ACTR3C: variants seen among roughly 807,000 people sequenced by gnomAD.
ACTR3C encodes actin-related protein 3C.
Under a neutral mutation model 26.3 loss-of-function variants are expected in ACTR3C, and 18 were observed. The observed-to-expected ratio is 0.68, with a 90% CI of 0.47 to 1.01. The LOEUF (loss-of-function observed/expected upper bound fraction) is 1.01, where lower values mean the gene tolerates loss of function less well. ACTR3C is among the 50% of genes least tolerant of loss of function. The pLI, the probability that ACTR3C is intolerant of heterozygous loss-of-function variation, is 0.00. For synonymous variants in ACTR3C, 55 were observed against 94.5 expected, an observed-to-expected ratio of 0.58 and a Z score of 2.42; for missense variants, 184 against 250.7, an observed-to-expected ratio of 0.73 and a Z score of 1.80.
At chr7:150,012,209 T>G in the ACTR3C span, among the ~76,000 whole-genome samples, 3 of 152,194 alleles carry the variant, frequency 2.0e-5, no homozygotes, top group Non-Finnish European at 4.4e-5. Flanking sequence ...GCTCTTTTTT[T>G]TTCTTTATTC....
At chr7:150,093,897 G>C in the ACTR3C span, among the ~76,000 whole-genome samples, 4 of 150,888 alleles carry the variant, frequency 2.7e-5, 1 homozygote, top group Non-Finnish European at 5.9e-5. Flanking sequence ...AGTTATCGAG[G>C]GCTTCCTGCG....
At chr7:149,929,820 C>T in the ACTR3C span, among the ~76,000 whole-genome samples, 7 of 152,192 alleles carry the variant, frequency 4.6e-5, no homozygotes, top group East Asian at 1.9e-4. Flanking sequence ...CATGAGCCAC[C>T]GCGCCCAGCC....
At chr7:150,235,369 G>A in the ACTR3C span, among the ~76,000 whole-genome samples, 1 of 152,238 alleles carries the variant, frequency 6.6e-6, no homozygotes, top group Non-Finnish European at 1.5e-5. Flanking sequence ...CCCATTCCCA[G>A]ACTCTCTCCC....
At chr7:150,105,214 C>G in the ACTR3C span, among the ~76,000 whole-genome samples, 4 of 151,592 alleles carry the variant, frequency 2.6e-5, no homozygotes, top group Admixed American at 2.0e-4. Flanking sequence ...TCTCGAGTAG[C>G]TGAGACTACA....
At chr7:149,992,912 G>A in the ACTR3C span, among the ~76,000 whole-genome samples, 1 of 152,292 alleles carries the variant, frequency 6.6e-6, no homozygotes, top group East Asian at 1.9e-4. Context: ...GCAGCCTTCA[G>A]ACTGTGGCCA....
the ACTR3C span, among the ~76,000 whole-genome samples, chr7:150,032,045 C>T: frequency 6.6e-6 from 1 of 152,272 alleles, no homozygotes; most frequent in African/African-American, 2.4e-5. Flanking sequence ...GCCCCTTCTT[C>T]CGGTCTATTT....
At chr7:150,143,438 C>G in the ACTR3C span, among the ~76,000 whole-genome samples, 2 of 152,042 alleles carry the variant, frequency 1.3e-5, no homozygotes, top group African/African-American at 2.4e-5. Flanking sequence ...CTTTAGTTGG[C>G]TTTTTGCAAA....
At chr7:150,286,984 G>C (rs568261410) in intron 4 of ACTR3C, among the ~76,000 whole-genome samples, 37 of 152,304 alleles carry the variant, frequency 2.4e-4, no homozygotes, top group African/African-American at 7.5e-4. Context: ...CCTGACTGTA[G>C]AGGCTTCTTT....
the ACTR3C span, among the ~76,000 whole-genome samples, chr7:150,158,443 C>T: frequency 6.6e-6 from 1 of 151,960 alleles, no homozygotes; most frequent in Non-Finnish European, 1.5e-5. Flanking sequence ...GATACAGATG[C>T]AACTTAAGAA....
chr7:150,149,891 T>A, the ACTR3C span, among the ~76,000 whole-genome samples: 2 of 152,238 alleles, frequency 1.3e-5, no homozygotes, highest in African/African-American at 2.4e-5. Flanking sequence ...TTAATTCATG[T>A]GGATTTTATA....
the ACTR3C span, among the ~76,000 whole-genome samples, chr7:150,214,319 A>G: frequency 6.6e-6 from 1 of 152,212 alleles, no homozygotes; most frequent in Non-Finnish European, 1.5e-5. Context: ...AAGACTCCTC[A>G]TTTATTAAAC....
the ACTR3C span, among the ~76,000 whole-genome samples, chr7:150,221,207 G>A: frequency 6.6e-6 from 1 of 152,244 alleles, no homozygotes; most frequent in Non-Finnish European, 1.5e-5. Flanking sequence ...CGGTATTTGG[G>A]GAAGGGCAAC....
At chr7:149,923,209 A>G in the ACTR3C span, among the ~76,000 whole-genome samples, 4 of 121,806 alleles carry the variant, frequency 3.3e-5, no homozygotes, top group African/African-American at 1.1e-4. Flanking sequence ...GATTATGTTT[A>G]AATACATATA....
chr7:150,130,556 G>T, the ACTR3C span, among the ~76,000 whole-genome samples: 1 of 152,142 alleles, frequency 6.6e-6, no homozygotes, highest in Non-Finnish European at 1.5e-5. Context: ...TACACAAAAA[G>T]ATACTCATCA....
the ACTR3C span, among the ~76,000 whole-genome samples, chr7:150,142,278 C>A: frequency 6.6e-6 from 1 of 152,140 alleles, no homozygotes; most frequent in Non-Finnish European, 1.5e-5. Context: ...GAGCTCTGCC[C>A]AAGAGAATAG....
At chr7:150,267,592 A>G (rs1192833862) in intron 6 of ACTR3C, among the ~76,000 whole-genome samples, 2 of 152,232 alleles carry the variant, frequency 1.3e-5, no homozygotes, top group Non-Finnish European at 2.9e-5. Context: ...ACACACTGTT[A>G]TAACTGATCC....
the ACTR3C span, among the ~76,000 whole-genome samples, chr7:150,178,544 A>C: frequency 1.3e-5 from 2 of 150,532 alleles, no homozygotes; most frequent in African/African-American, 5.0e-5. Flanking sequence ...TTGGCCTCCC[A>C]AAATGATGAG....
chr7:149,907,478 T>TCTCTTCTCTCTCCTC, the ACTR3C span, among the ~76,000 whole-genome samples: 2 of 97,606 alleles, frequency 2.0e-5, no homozygotes, highest in Admixed American at 1.2e-4. Context: ...CTCTCTTCTC[T>TCTCTTCTCTCTCCTC]TCTCTCTCTC....
At chr7:150,128,653 C>T in the ACTR3C span, among the ~76,000 whole-genome samples, 1 of 151,586 alleles carries the variant, frequency 6.6e-6, no homozygotes, top group Non-Finnish European at 1.5e-5. Context: ...GAGTTTCTCT[C>T]ATGCACGCTT....
Sources: allele counts gnomAD v4.1 joint callset (sites outside exome capture counted in the v4.1 genomes callset), GRCh38; gene constraint gnomAD v4.1.1; transcripts MANE v1.5; gene names NCBI Gene and HGNC (gene_info 2026-07-23, HGNC 2026-07-21).